The following SDK1 variants were observed in gnomAD, a reference collection of about 807,000 sequenced individuals.
SDK1 encodes protein sidekick-1.
In SDK1, 157 loss-of-function variants were observed where a neutral mutation model predicts 245.5. That is an observed-to-expected ratio of 0.64 (90% CI 0.56 to 0.73). The LOEUF (loss-of-function observed/expected upper bound fraction) is 0.73. Among genes scored for constraint, SDK1 ranks in the 30% least tolerant of loss-of-function variants. The pLI, the probability that SDK1 is intolerant of heterozygous loss-of-function variation, is 0.00. For synonymous variants in SDK1, 1,647 were observed against 1,278.5 expected (o/e 1.29, Z -6.15); for missense variants, 3,583 against 3,002.3 (o/e 1.19, Z -4.52).
chr7:3,683,989 G>A (rs1190772450), intron 4 of SDK1, among the ~76,000 whole-genome samples: 2 of 152,184 alleles, frequency 1.3e-5, no homozygotes, highest in African/African-American at 4.8e-5. Flanking sequence ...CCTCCAGCTG[G>A]TTTCAGCGGG....
chr7:3,819,080 G>A (rs1043719809), intron 4 of SDK1, among the ~76,000 whole-genome samples: 14 of 152,166 alleles, frequency 9.2e-5, no homozygotes, highest in African/African-American at 3.4e-4. Context: ...AATGGTTTTG[G>A]ATGTTTTATT....
intron 1 of SDK1, among the ~76,000 whole-genome samples, chr7:3,451,692 C>T (rs1266274903): frequency 3.3e-5 from 5 of 152,130 alleles, no homozygotes; most frequent in Non-Finnish European, 7.4e-5. Context: ...ATTAACAATA[C>T]AGGTATGAAA....
chr7:3,447,774 G>T (rs960472393), intron 1 of SDK1, among the ~76,000 whole-genome samples: 3 of 144,842 alleles, frequency 2.1e-5, no homozygotes, highest in Admixed American at 7.2e-5. Flanking sequence ...GCATGATCTC[G>T]GCTCACCGCA....
intron 33 of SDK1, 61 bp downstream of exon 33, chr7:4,174,418 T>A: frequency 1.3e-6 from 2 of 1,527,194 alleles, no homozygotes; most frequent in Non-Finnish European, 9.0e-7. Context: ...CCTTGGTATC[T>A]GCTCAGTGCA....
intron 4 of SDK1, among the ~76,000 whole-genome samples, chr7:3,737,586 G>T (rs1779352002): frequency 1.3e-5 from 2 of 152,220 alleles, no homozygotes; most frequent in Admixed American, 1.3e-4. Flanking sequence ...TGTGGGTGCA[G>T]TGCCACTGGC....
chr7:4,091,369 G>C (rs1345001567), intron 22 of SDK1, among the ~76,000 whole-genome samples: 2 of 84,298 alleles, frequency 2.4e-5, no homozygotes, highest in African/African-American at 1.5e-4. Flanking sequence ...TTGAGACAGA[G>C]TCTCACTCTG....
intron 5 of SDK1, among the ~76,000 whole-genome samples, chr7:3,890,669 TG>T (rs1349207970): frequency 3.4e-5 from 5 of 149,142 alleles, no homozygotes; most frequent in Admixed American, 2.0e-4. Flanking sequence ...GTAGCGGGTG[TG>T]GTAGCTCGTG....
chr7:3,580,339 A>G (rs1284949003), intron 1 of SDK1, among the ~76,000 whole-genome samples: 2 of 152,340 alleles, frequency 1.3e-5, no homozygotes, highest in African/African-American at 4.8e-5. Flanking sequence ...AGCCAAGGCA[A>G]TCCTAAACAA....
At chr7:3,426,834 T>C (rs1480304794) in intron 1 of SDK1, among the ~76,000 whole-genome samples, 1 of 152,234 alleles carries the variant, frequency 6.6e-6, no homozygotes, top group Non-Finnish European at 1.5e-5. Flanking sequence ...AAAATGCAGA[T>C]CTTGCCCTGC....
At chr7:3,636,930 T>G (rs1353297108) in intron 2 of SDK1, among the ~76,000 whole-genome samples, 1 of 152,176 alleles carries the variant, frequency 6.6e-6, no homozygotes, top group Non-Finnish European at 1.5e-5. Context: ...TCCCTGATGA[T>G]TAGGGACATT....
intron 44 of SDK1, among the ~76,000 whole-genome samples, chr7:4,262,356 A>G (rs1788072186): frequency 1.3e-5 from 2 of 151,790 alleles, no homozygotes; most frequent in Admixed American, 1.3e-4. Flanking sequence ...CAATGACTTC[A>G]CATCAAACCG....
chr7:4,103,069 C>A (rs982012116), intron 22 of SDK1, among the ~76,000 whole-genome samples: 2 of 149,792 alleles, frequency 1.3e-5, no homozygotes, highest in Non-Finnish European at 3.0e-5. Context: ...GGTGCGATCT[C>A]GGCTCACTGC....
At chr7:4,167,258 C>T (rs1052455242) in intron 32 of SDK1, among the ~76,000 whole-genome samples, 2 of 152,018 alleles carry the variant, frequency 1.3e-5, no homozygotes, top group African/African-American at 2.4e-5. Context: ...GGCGTGGTGG[C>T]GGGCACCTAT....
intron 2 of SDK1, among the ~76,000 whole-genome samples, chr7:3,632,213 A>T (rs1782316614): frequency 6.6e-6 from 1 of 152,240 alleles, no homozygotes; most frequent in South Asian, 2.1e-4. Flanking sequence ...GGTTCTAGTC[A>T]TCTGTGCTTC....
chr7:3,665,218 T>C (rs958663521), intron 4 of SDK1, among the ~76,000 whole-genome samples: 7 of 152,192 alleles, frequency 4.6e-5, no homozygotes, highest in Non-Finnish European at 7.4e-5. Flanking sequence ...GGGACCACCC[T>C]GTGCACGCAG....
intron 17 of SDK1, among the ~76,000 whole-genome samples, chr7:4,030,061 A>G (rs1263737522): frequency 6.6e-6 from 1 of 152,174 alleles, no homozygotes. Context: ...GATCGAGGTA[A>G]ATGGCAGCAC....
intron 4 of SDK1, among the ~76,000 whole-genome samples, chr7:3,653,760 C>G (rs574082652): frequency 1.5e-4 from 23 of 152,198 alleles, no homozygotes; most frequent in African/African-American, 5.5e-4. Context: ...CTAGACTAGA[C>G]AAAGTGAAGG....
chr7:4,113,915 C>G (rs1783519112), intron 24 of SDK1, 122 bp from the exon 25 acceptor site: 2 of 704,296 alleles, frequency 2.8e-6, no homozygotes, highest in Non-Finnish European at 4.9e-6. Flanking sequence ...CCTTCTAAGA[C>G]TATTTCCCCC....
chr7:4,061,854 T>C (rs1454363000), intron 19 of SDK1, among the ~76,000 whole-genome samples: 1 of 151,312 alleles, frequency 6.6e-6, no homozygotes, highest in African/African-American at 2.4e-5. Context: ...AAATTGGAAA[T>C]CATCATTCTC....
Sources: allele counts gnomAD v4.1 joint callset (sites outside exome capture counted in the v4.1 genomes callset), GRCh38; gene constraint gnomAD v4.1.1; transcripts MANE v1.5; gene names NCBI Gene and HGNC (gene_info 2026-07-23, HGNC 2026-07-21).